Variants in LETMD1 observed in about 807,000 individuals in gnomAD.
LETMD1 encodes the protein LETM1 domain containing 1.
LETMD1 carries 30 observed loss-of-function variants against 43.9 expected under a neutral mutation model. That is an observed-to-expected ratio of 0.68 (90% CI 0.51 to 0.93). LETMD1 has a LOEUF of 0.93. Among genes scored for constraint, LETMD1 ranks in the 40% least tolerant of loss-of-function variants. The probability of loss-of-function intolerance (pLI) is 0.00; values close to 1 mark genes in which losing one functional copy is unlikely to be tolerated. For missense variants in LETMD1, 413 were observed against 447.7 expected (o/e 0.92, Z 0.70); for synonymous variants, 176 against 163.1 (o/e 1.08, Z -0.60).
intron 2 of LETMD1, among the ~76,000 whole-genome samples, chr12:51,051,300 A>G (rs1368393629): frequency 6.6e-6 from 1 of 152,078 alleles, no homozygotes; most frequent in Non-Finnish European, 1.5e-5. Context: ...GCTACTCGGA[A>G]GGCTGAGGCA....
downstream of LETMD1, among the ~76,000 whole-genome samples, chr12:51,065,029 A>C (rs1938000003): frequency 6.6e-6 from 1 of 152,208 alleles, no homozygotes; most frequent in Admixed American, 6.5e-5. Context: ...TTCACAGAGG[A>C]AATTTACGAG....
chr12:51,059,523 G>C lies in LETMD1; in HGVS notation c.*92G>C. On this transcript the variant is annotated 3_prime_UTR_variant, in exon 9 of 9. Coordinates refer to ENST00000262055, the MANE Select transcript of LETMD1 (RefSeq NM_015416.5). ...CTTGCCAGCAAAGTCTGTGTGTACT[G>C]TTAAGTGTGTGGGAGGCAGAGAGAG... 1 of 1,132,828 alleles carries C rather than the reference G, an allele frequency of 8.8e-7. No homozygotes were observed. The highest frequency in any genetic ancestry group is 1.3e-6 in the Non-Finnish European group (1 of 747,752). 70.2% of individuals were successfully genotyped at this position (1,132,828 alleles called of 1,614,324 possible). A position where few individuals can be genotyped will look rare whatever the true frequency, so the allele number is the denominator to read the frequency against.
intron 7 of LETMD1, chr12:51,056,755 G>T: frequency 3.2e-6 from 1 of 308,424 alleles, no homozygotes; most frequent in Non-Finnish European, 6.0e-6. Context: ...CCCGGTTCAA[G>T]TGATCCTCCT....
intron 3 of LETMD1, among the ~76,000 whole-genome samples, chr12:51,053,129 G>A (rs1317370254): frequency 6.6e-6 from 1 of 151,406 alleles, no homozygotes; most frequent in South Asian, 2.1e-4. Context: ...AAAAAAGTCT[G>A]CAAGGATCCA....
At position 51,059,491 on chromosome 12, in the gene LETMD1, A is replaced by T. The variant is rs191849692; in HGVS notation, c.*60A>T. 1 of 1,467,984 alleles carries T rather than the reference A, an allele frequency of 6.8e-7. No individual in the cohort carries two copies. Among genetic ancestry groups the T allele is most frequent in the Non-Finnish European group, 9.5e-7 (1 of 1,047,188 alleles). The allele number at this position is 1,467,984 out of a possible 1,614,324, so 90.9% of individuals were successfully genotyped here. A position where few individuals can be genotyped will look rare whatever the true frequency, so the allele number is the denominator to read the frequency against. On this transcript the variant is annotated 3_prime_UTR_variant, in exon 9 of 9. Transcript: ENST00000262055. Reference sequence around the variant, plus strand: ...CGTATAGTATAGCAGTGCAGGAACAAACAGCACTTGCCAGCAAAGTCTGTG... The same window carrying T: ...CGTATAGTATAGCAGTGCAGGAACATACAGCACTTGCCAGCAAAGTCTGTG...
intron 1 of LETMD1, chr12:51,048,686 C>T (rs1487711538): frequency 4.6e-6 from 3 of 649,002 alleles, no homozygotes; most frequent in Non-Finnish European, 7.8e-6. Flanking sequence ...TGTCTGGTTT[C>T]CCCGCGTGTC....
chr12:51,048,381 G>T lies in LETMD1; in HGVS notation c.25G>T (p.Ala9Ser). The T allele has an allele frequency of 6.2e-7, 1 of 1,614,098 alleles. No homozygotes were observed. Among genetic ancestry groups the T allele is most frequent in the Non-Finnish European group, 8.5e-7 (1 of 1,180,022 alleles). The change falls in exon 1 of 9, where the codon GCT becomes TCT. Residue 9 changes from alanine (A) to serine (S), a missense_variant. Ala to Ser is a moderately conservative substitution (Grantham distance 99, BLOSUM62 1). Transcript: ENST00000262055. The part of the protein sequence containing the change: MALSRVCW[A>S]RSAVWGSAVT... Reference sequence around the variant, plus strand: ...GATGGCGCTCTCCAGGGTGTGCTGGGCTCGGTCGGCTGTGTGGGGCTCGGC... The same window carrying T: ...GATGGCGCTCTCCAGGGTGTGCTGGTCTCGGTCGGCTGTGTGGGGCTCGGC...
the LETMD1 span, chr12:51,067,922 C>A: frequency 6.2e-7 from 1 of 1,614,088 alleles, no homozygotes; most frequent in Non-Finnish European, 8.5e-7. This position sits in a 1 kb window ranked among gnomAD's most constrained non-coding sequence, Gnocchi z 4.1. Context: ...CATCATCCAG[C>A]GTCAGGCCAT....
Position 51,052,107 on chromosome 12 carries a change from G to A in LETMD1, c.290G>A (p.Trp97Ter), listed in dbSNP as rs1946342157. ...TIFMKGLQML[W>*]ADAKKARRIK... ...AATGAGGCAGGATTGCAGATGTTAT[G>A]GGCTGATGCCAAAAAGGCTAGAAGA... is the stretch of plus-strand genomic sequence containing the variant. The change falls in exon 3 of 9, where the codon TGG becomes TAG. Residue 97 changes from tryptophan to a stop codon, truncating the protein, a stop_gained. Transcript: ENST00000262055. LOFTEE classifies it high-confidence loss of function. The A allele has an allele frequency of 6.2e-7, 1 of 1,613,774 alleles. No individual in the cohort carries two copies. The highest frequency in any genetic ancestry group is 8.5e-7 in the Non-Finnish European group (1 of 1,179,890).
chr12:51,067,627 G>T, the LETMD1 span: 2 of 1,573,240 alleles, frequency 1.3e-6, no homozygotes, highest in South Asian at 1.2e-5. This position sits in a 1 kb window ranked among gnomAD's most constrained non-coding sequence, Gnocchi z 4.1. Flanking sequence ...ACCTCACCCC[G>T]CTGACCCTGG....
chr12:51,063,994 A>T, downstream of LETMD1: 1 of 1,614,054 alleles, frequency 6.2e-7, no homozygotes, highest in Non-Finnish European at 8.5e-7. Context: ...GTGGAGCTAC[A>T]AGCCACGAGT....
chr12:51,068,952 G>GA, the LETMD1 span, among the ~76,000 whole-genome samples: 1 of 152,088 alleles, frequency 6.6e-6, no homozygotes. Context: ...CCTTGGCCGA[G>GA]AAAAAATGTA....
intron 2 of LETMD1, 100 bp downstream of exon 2, chr12:51,049,285 T>A: frequency 9.9e-7 from 1 of 1,013,850 alleles, no homozygotes; most frequent in Non-Finnish European, 1.4e-6. Context: ...TATGGGGATG[T>A]GAGCCGAGAT....
chr12:51,048,279 C>T (rs1206895353), upstream of LETMD1: 2 of 1,589,840 alleles, frequency 1.3e-6, no homozygotes, highest in East Asian at 2.2e-5. Flanking sequence ...AAGACGCATG[C>T]GTCTTCGAAC....
intron 2 of LETMD1, among the ~76,000 whole-genome samples, chr12:51,050,613 T>C (rs1592554256): frequency 6.6e-6 from 1 of 152,166 alleles, no homozygotes. Flanking sequence ...TCATAACTCA[T>C]GGCTGCCAAT....
At chr12:51,067,462 C>A in the LETMD1 span, among the ~76,000 whole-genome samples, 2 of 152,138 alleles carry the variant, frequency 1.3e-5, no homozygotes, top group African/African-American at 4.8e-5. This position sits in a 1 kb window ranked among gnomAD's most constrained non-coding sequence, Gnocchi z 4.1. Flanking sequence ...CTACCTCAGC[C>A]TCCCACATAG....
Position 51,059,675 on chromosome 12 carries a change from C to T in LETMD1, c.*244C>T. On this transcript the variant is annotated 3_prime_UTR_variant, in exon 9 of 9. Transcript: ENST00000262055. ...GTGTGAGGTGTCATCCTGTCCCCCT[C>T]ATAATTACTAATAGCTGGAACTGGC... is the stretch of plus-strand genomic sequence containing the variant. 1 of 509,456 alleles carries T rather than the reference C, an allele frequency of 2.0e-6. No homozygotes were observed. Among genetic ancestry groups the T allele is most frequent in the Non-Finnish European group, 3.6e-6 (1 of 277,776 alleles). The allele number at this position is 509,456 out of a possible 1,614,324, so 31.6% of individuals were successfully genotyped here.
the LETMD1 span, among the ~76,000 whole-genome samples, chr12:51,067,027 G>A: frequency 1.5e-3 from 234 of 152,098 alleles, no homozygotes; most frequent in Non-Finnish European, 2.9e-3. This position sits in a 1 kb window ranked among gnomAD's most constrained non-coding sequence, Gnocchi z 4.1. Flanking sequence ...ATGGGGCTTA[G>A]CCATGTTGCC....
downstream of LETMD1, chr12:51,063,851 G>T (rs1471287144): frequency 5.0e-6 from 8 of 1,614,074 alleles, no homozygotes; most frequent in East Asian, 4.5e-5. Context: ...CCGTGCGGAA[G>T]GGGAGGCTTG....
Sources: gnomAD v4.1 joint callset for allele counts (sites outside exome capture counted in the v4.1 genomes callset) on GRCh38, gnomAD v4.1.1 for gene constraint, Gnocchi (gnomAD v3.1) non-coding constraint, MANE v1.5 for transcripts, NCBI Gene and HGNC (gene_info 2026-07-23, HGNC 2026-07-21) for gene names.